The following ABLIM1 variants were observed in gnomAD, a reference collection of about 807,000 sequenced individuals.
ABLIM1 encodes the protein actin binding LIM protein 1, also known as actin-binding LIM protein 1.
ABLIM1 carries 40 observed loss-of-function variants against 107.0 expected under a neutral mutation model. The observed-to-expected ratio is 0.37, with a 90% CI of 0.29 to 0.49. The LOEUF (loss-of-function observed/expected upper bound fraction) is 0.49. Ranked by LOEUF, ABLIM1 falls within the 20% of genes least tolerant of loss-of-function variation. The pLI is 0.97. For synonymous variants in ABLIM1, 357 were observed against 357.3 expected (o/e 1.00, Z 0.01); for missense variants, 857 against 1,008.5 (o/e 0.85, Z 2.04).
intron 6 of ABLIM1, among the ~76,000 whole-genome samples, chr10:114,516,949 G>C (rs948185302): frequency 1.3e-5 from 2 of 152,108 alleles, no homozygotes; most frequent in African/African-American, 4.8e-5. Context: ...TGCTTTTCTG[G>C]GACCTGCGAT....
intron 1 of ABLIM1, among the ~76,000 whole-genome samples, chr10:114,623,763 T>C (rs1379109159): frequency 1.3e-5 from 2 of 152,216 alleles, no homozygotes; most frequent in Admixed American, 6.5e-5. Context: ...CTGATCCCAG[T>C]TGAAATTTGA....
At chr10:114,632,564 T>C in intron 1 of ABLIM1, 1 of 985,334 alleles carries the variant, frequency 1.0e-6, no homozygotes, top group Non-Finnish European at 1.2e-6. Context: ...ATAATGACAT[T>C]TGGTTTGCAC....
chr10:114,635,333 C>A (rs2078423488), intron 1 of ABLIM1, among the ~76,000 whole-genome samples: 1 of 152,204 alleles, frequency 6.6e-6, no homozygotes, highest in African/African-American at 2.4e-5. Context: ...AGTAGCGATG[C>A]CAATTAGGAG....
chr10:114,480,054 C>T (rs1747058922), intron 8 of ABLIM1, among the ~76,000 whole-genome samples: 1 of 152,198 alleles, frequency 6.6e-6, no homozygotes, highest in Non-Finnish European at 1.5e-5. Context: ...ACATGCTGTC[C>T]CACTTTCAAA....
At chr10:114,684,208 G>A in intron 1 of ABLIM1, 3 of 1,399,172 alleles carry the variant, frequency 2.1e-6, no homozygotes, top group Non-Finnish European at 2.9e-6. Flanking sequence ...AAATGGAAAA[G>A]CCCTGCATCT....
upstream of ABLIM1, among the ~76,000 whole-genome samples, chr10:114,687,572 A>G (rs138363721): frequency 1.6e-3 from 247 of 152,314 alleles, no homozygotes; most frequent in African/African-American, 5.3e-3. Flanking sequence ...CTGTGTTCTT[A>G]GGCAAACAGG....
intron 2 of ABLIM1, among the ~76,000 whole-genome samples, chr10:114,590,590 C>G (rs1045410125): frequency 6.6e-6 from 1 of 152,104 alleles, no homozygotes; most frequent in Non-Finnish European, 1.5e-5. Context: ...TAAGGAGAAA[C>G]CCAGGGTTTT....
At position 114,547,658 on chromosome 10, in the gene ABLIM1, G is replaced by A. The variant is rs1397789781; in HGVS notation, c.792C>T (p.Tyr264=). Residue 264 remains tyrosine, a synonymous_variant, in exon 5 of 23, where the codon TAC becomes TAT. Coordinates refer to ENST00000533213, the MANE Select transcript of ABLIM1 (RefSeq NM_002313.7). ...KSCGKVLTGE[Y]ISKDGAPYCE... is the part of the protein sequence containing the mutation. ...CCCGCGCCCAGCCTTACTTGCTGAT[G>A]TACTCCCCGGTGAGGACCTTCCCGC... 1 of 1,613,722 alleles carries A rather than the reference G, an allele frequency of 6.2e-7. No homozygotes were observed.
rs577203244 is a variant in ABLIM1, at chr10:114,591,757, A to T, written c.379+10070T>A. 2.1e-5 allele frequency among the ~76,000 whole-genome samples: 3 copies of T among 142,488 alleles called. No individual in the cohort carries two copies. The East Asian group carries it at 5.9e-4, about 28-fold the overall frequency. The allele number at this position is 142,488 out of a possible 152,430, so 93.5% of individuals were successfully genotyped here. A position where few individuals can be genotyped will look rare whatever the true frequency, so the allele number is the denominator to read the frequency against. ...TCCTCTCTTATCTGAAACACCTGAGACCAGAAGTATTTCAAACTTTGGATT... is the reference window on the plus strand; with the variant it reads ...TCCTCTCTTATCTGAAACACCTGAGTCCAGAAGTATTTCAAACTTTGGATT... On this transcript the variant is annotated intron_variant, in intron 2 of 22. Transcript: ENST00000533213.
At chr10:114,564,180 G>A (rs2483559) in intron 4 of ABLIM1, among the ~76,000 whole-genome samples, 52,468 of 151,286 alleles carry the variant, frequency 0.35, 11,344 homozygotes, top group African/African-American at 0.61. Context: ...CCCTGGACCC[G>A]GCCTCGTTGC....
intron 1 of ABLIM1, among the ~76,000 whole-genome samples, chr10:114,734,763 C>A (rs2082145296): frequency 6.6e-6 from 1 of 152,288 alleles, no homozygotes; most frequent in South Asian, 2.1e-4. Context: ...TCTTCACAAC[C>A]AAACGGGAGG....
chr10:114,601,073 C>T (rs2075945118), intron 2 of ABLIM1, among the ~76,000 whole-genome samples: 1 of 142,728 alleles, frequency 7.0e-6, no homozygotes, highest in African/African-American at 2.7e-5. Context: ...CACACACACA[C>T]ACACACACAC....
chr10:114,589,940 A>G (rs2074672816), intron 2 of ABLIM1, among the ~76,000 whole-genome samples: 1 of 152,144 alleles, frequency 6.6e-6, no homozygotes, highest in Non-Finnish European at 1.5e-5. Context: ...CCACTCACTC[A>G]CTGACTCACA....
chr10:114,461,417 A>G (rs1236155976), intron 12 of ABLIM1, among the ~76,000 whole-genome samples: 3 of 151,900 alleles, frequency 2.0e-5, no homozygotes, highest in African/African-American at 4.8e-5. Flanking sequence ...TTAAGAAAAA[A>G]AAACAGCATA....
At chr10:114,436,894 G>A (rs976390573) in intron 22 of ABLIM1, among the ~76,000 whole-genome samples, 4 of 152,000 alleles carry the variant, frequency 2.6e-5, no homozygotes, top group Non-Finnish European at 2.9e-5. Context: ...GTACCTCTAC[G>A]CCAAGGTACT....
intron 1 of ABLIM1, among the ~76,000 whole-genome samples, chr10:114,607,529 C>A (rs1209016417): frequency 6.6e-6 from 1 of 152,196 alleles, no homozygotes; most frequent in African/African-American, 2.4e-5. Flanking sequence ...ATCTGACAGA[C>A]AATGCCCCAG....
At chr10:114,508,146 C>T (rs1049788524) in intron 6 of ABLIM1, among the ~76,000 whole-genome samples, 2 of 152,186 alleles carry the variant, frequency 1.3e-5, no homozygotes, top group African/African-American at 2.4e-5. Flanking sequence ...CATGACATTA[C>T]AAAATTTTTT....
At chr10:114,546,385 C>T (rs1052012707) in intron 5 of ABLIM1, among the ~76,000 whole-genome samples, 7 of 151,640 alleles carry the variant, frequency 4.6e-5, no homozygotes, top group Non-Finnish European at 8.8e-5. Context: ...CCTCCGCCTC[C>T]CAGGTTCAAG....
intron 6 of ABLIM1, among the ~76,000 whole-genome samples, chr10:114,496,684 AAC>A (rs2059709668): frequency 6.6e-6 from 1 of 152,186 alleles, no homozygotes; most frequent in South Asian, 2.1e-4. Context: ...ATAAAAAGAA[AAC>A]ACTGCTAAAA....
Sources: gnomAD v4.1 joint callset for allele counts (sites outside exome capture counted in the v4.1 genomes callset) on GRCh38, gnomAD v4.1.1 for gene constraint, MANE v1.5 for transcripts, NCBI Gene and HGNC (gene_info 2026-07-23, HGNC 2026-07-21) for gene names.